Variants in HPSE2 observed in about 807,000 individuals in gnomAD.
The protein encoded by HPSE2 is heparanase 2 (inactive).
HPSE2 carries 38 observed loss-of-function variants against 60.5 expected under a neutral mutation model. That is an observed-to-expected ratio of 0.63 (90% confidence interval 0.48 to 0.82). The LOEUF (loss-of-function observed/expected upper bound fraction) is 0.82. HPSE2 is among the 40% of genes least tolerant of loss of function. HPSE2 has a pLI of 0.00. For missense variants in HPSE2, 713 were observed against 740.4 expected, an observed-to-expected ratio of 0.96 and a Z score of 0.43; for synonymous variants, 295 against 293.2, an observed-to-expected ratio of 1.01 and a Z score of -0.06.
chr10:98,896,935 A>C lies in HPSE2; in HGVS notation c.611-152879T>G, dbSNP rs146728391. ...TAATCTGAATAGGCCAATATCTATTAAAGAAGTTGAATTAATAATGACATT... is the reference window on the plus strand; with the variant it reads ...TAATCTGAATAGGCCAATATCTATTCAAGAAGTTGAATTAATAATGACATT... On this transcript the variant is annotated intron_variant, in intron 3 of 11. Coordinates refer to ENST00000370552, the MANE Select transcript of HPSE2 (RefSeq NM_021828.5). Among the ~76,000 whole-genome samples, 3 of 152,350 alleles carry C rather than the reference A, an allele frequency of 2.0e-5. No individual in the cohort carries two copies. The East Asian group carries it at 5.8e-4, about 29-fold the overall frequency.
intron 3 of HPSE2, among the ~76,000 whole-genome samples, chr10:98,987,414 G>C (rs962841356): frequency 7.9e-5 from 12 of 152,246 alleles, no homozygotes; most frequent in African/African-American, 2.6e-4. Flanking sequence ...TATCTCAATA[G>C]ATGCAGAAAA....
chr10:98,926,860 G>A lies in HPSE2; in HGVS notation c.611-182804C>T, dbSNP rs146568339. Among the ~76,000 whole-genome samples the A allele has an allele frequency of 7.9e-5, 12 of 152,192 alleles. No individual in the cohort carries two copies. The East Asian group carries it at 1.9e-3, about 24-fold the overall frequency. On this transcript the variant is annotated intron_variant, in intron 3 of 11. Transcript: ENST00000370552. The stretch of plus-strand genomic sequence containing the variant: ...ACATCTTTATTTCTACCTTCATTTC[G>A]TTATGTACCCAGTAGTCACTCAGGA...
chr10:98,640,503 G>A (rs1946610775), intron 7 of HPSE2, among the ~76,000 whole-genome samples: 2 of 152,068 alleles, frequency 1.3e-5, no homozygotes, highest in East Asian at 3.9e-4. Flanking sequence ...ACATTGGGAT[G>A]AATACAAAAA....
At chr10:98,567,822 A>G (rs1374140486) in intron 9 of HPSE2, among the ~76,000 whole-genome samples, 3 of 152,130 alleles carry the variant, frequency 2.0e-5, no homozygotes, top group Non-Finnish European at 4.4e-5. Flanking sequence ...GACTGGAGAC[A>G]GTAATAAATC....
chr10:98,995,094 C>A (rs143388504), intron 3 of HPSE2, among the ~76,000 whole-genome samples: 1 of 152,278 alleles, frequency 6.6e-6, no homozygotes. Flanking sequence ...GAAGGTGCTT[C>A]GAACCCTCTC....
At chr10:99,026,548 C>A (rs1406410620) in intron 3 of HPSE2, among the ~76,000 whole-genome samples, 1 of 152,138 alleles carries the variant, frequency 6.6e-6, no homozygotes, top group Non-Finnish European at 1.5e-5. Context: ...ACCACACTTT[C>A]AGCATTGGAC....
At chr10:99,227,160 G>C (rs541628626) in intron 2 of HPSE2, among the ~76,000 whole-genome samples, 48 of 152,040 alleles carry the variant, frequency 3.2e-4, no homozygotes, top group Non-Finnish European at 6.2e-4. Context: ...CTGTGGAAAA[G>C]CTTCCTAGAG....
At chr10:98,724,904 T>C (rs1949030071) in intron 4 of HPSE2, among the ~76,000 whole-genome samples, 1 of 151,938 alleles carries the variant, frequency 6.6e-6, no homozygotes, top group Admixed American at 6.6e-5. Context: ...TCAAAGAGAA[T>C]AAAATACCTA....
chr10:98,868,525 C>T (rs369741156), intron 3 of HPSE2, among the ~76,000 whole-genome samples: 9 of 152,158 alleles, frequency 5.9e-5, no homozygotes, highest in African/African-American at 1.9e-4. Context: ...GTAACACAAA[C>T]GGTAAATGCT....
chr10:99,058,266 A>G (rs1958157796), intron 3 of HPSE2, among the ~76,000 whole-genome samples: 1 of 152,208 alleles, frequency 6.6e-6, no homozygotes. Context: ...AGATGAGAAA[A>G]GGGGGGAATT....
chr10:98,909,928 G>T (rs1953933514), intron 3 of HPSE2, among the ~76,000 whole-genome samples: 1 of 152,052 alleles, frequency 6.6e-6, no homozygotes, highest in South Asian at 2.1e-4. Flanking sequence ...ATTAAAAGTT[G>T]TTCAAATATG....
chr10:98,477,711 T>G (rs1941077696), intron 11 of HPSE2, among the ~76,000 whole-genome samples: 1 of 152,192 alleles, frequency 6.6e-6, no homozygotes, highest in African/African-American at 2.4e-5. Flanking sequence ...TGAGAGACAC[T>G]GGAGATATTT....
At chr10:99,291,360 C>T in the HPSE2 span, among the ~76,000 whole-genome samples, 2 of 152,100 alleles carry the variant, frequency 1.3e-5, no homozygotes, top group Non-Finnish European at 2.9e-5. Context: ...CCAAGGCGGG[C>T]AGATCACGAG....
intron 3 of HPSE2, among the ~76,000 whole-genome samples, chr10:99,096,002 C>A (rs1327204376): frequency 6.6e-6 from 1 of 152,028 alleles, no homozygotes; most frequent in South Asian, 2.1e-4. Flanking sequence ...TGCATAAAGA[C>A]CATATGCAAA....
intron 3 of HPSE2, among the ~76,000 whole-genome samples, chr10:98,865,756 C>T (rs975833049): frequency 1.2e-4 from 18 of 152,062 alleles, no homozygotes; most frequent in African/African-American, 4.1e-4. Flanking sequence ...GAAAATAGTA[C>T]TTATTCCTGC....
At chr10:99,015,685 G>A (rs1015778477) in intron 3 of HPSE2, among the ~76,000 whole-genome samples, 2 of 152,034 alleles carry the variant, frequency 1.3e-5, no homozygotes, top group Admixed American at 1.3e-4. Flanking sequence ...GGGGGAGAGG[G>A]GAGGGATAGC....
chr10:99,002,112 T>C (rs1956790753), intron 3 of HPSE2, among the ~76,000 whole-genome samples: 1 of 152,126 alleles, frequency 6.6e-6, no homozygotes, highest in African/African-American at 2.4e-5. Flanking sequence ...GGGAGCCAAC[T>C]GAAAGAGCTC....
At chr10:98,938,686 C>G (rs1954889296) in intron 3 of HPSE2, among the ~76,000 whole-genome samples, 1 of 143,798 alleles carries the variant, frequency 7.0e-6, no homozygotes, top group Non-Finnish European at 1.5e-5. Context: ...GGAGAACTTC[C>G]CCAATCTAGC....
intron 9 of HPSE2, among the ~76,000 whole-genome samples, chr10:98,614,316 G>A (rs1334798872): frequency 5.6e-5 from 8 of 144,046 alleles, no homozygotes; most frequent in East Asian, 2.0e-4. Context: ...TTTTTGAGAC[G>A]GAGTCTCGCT....
Sources: allele counts gnomAD v4.1 joint callset (sites outside exome capture counted in the v4.1 genomes callset), GRCh38; gene constraint gnomAD v4.1.1; transcripts MANE v1.5; gene names NCBI Gene and HGNC (gene_info 2026-07-23, HGNC 2026-07-21).